Variants in GALNT6 observed in about 807,000 individuals in gnomAD.
GALNT6 encodes GalNAc transferase 6.
A neutral mutation model predicts 65.9 loss-of-function variants in GALNT6; 51 were observed. That is an observed-to-expected ratio of 0.77 (90% CI 0.62 to 0.98). The LOEUF (loss-of-function observed/expected upper bound fraction) is 0.98, where lower values mean the gene tolerates loss of function less well. Ranked by LOEUF, GALNT6 falls within the 50% of genes least tolerant of loss-of-function variation. The probability of loss-of-function intolerance (pLI) is 0.00; values close to 1 mark genes in which losing one functional copy is unlikely to be tolerated. For synonymous variants in GALNT6, 323 were observed against 315.1 expected (o/e 1.02, Z -0.26); for missense variants, 708 against 803.3 (o/e 0.88, Z 1.43).
intron 8 of GALNT6, 41 bp downstream of exon 8, chr12:51,359,091 T>G (rs762704201): frequency 1.3e-6 from 2 of 1,524,578 alleles, no homozygotes; most frequent in Non-Finnish European, 1.8e-6. Context: ...GGGGCCGTAC[T>G]TCTCTTCATC....
At position 51,387,021 on chromosome 12, in the gene GALNT6, A is replaced by G. The variant is rs528516843; in HGVS notation, c.-104+3829T>C. ...CTGCAATACTGTGGCTTATTTTCCCAGGAAGATACGCTGAAAATTATTTCT... is the reference window on the plus strand; with the variant it reads ...CTGCAATACTGTGGCTTATTTTCCCGGGAAGATACGCTGAAAATTATTTCT... On this transcript the variant is annotated intron_variant, in intron 2 of 11. Coordinates refer to ENST00000356317, the MANE Select transcript of GALNT6 (RefSeq NM_007210.4). This position sits in a 1 kb window ranked among gnomAD's most constrained non-coding sequence, Gnocchi z 4.2. Among the ~76,000 whole-genome samples the G allele has an allele frequency of 2.4e-4, 36 of 152,308 alleles. No individual in the cohort carries two copies. Among genetic ancestry groups the G allele is most frequent in the Admixed American group, 2.6e-4 (4 of 15,298 alleles).
chr12:51,387,673 T>G lies in GALNT6; in HGVS notation c.-104+3177A>C, dbSNP rs935017086. Among the ~76,000 whole-genome samples, 4 of 151,788 alleles carry G rather than the reference T, an allele frequency of 2.6e-5. No homozygotes were observed. The highest frequency in any genetic ancestry group is 9.7e-5 in the African/African-American group (4 of 41,282). ...GTGTGCAACGGTTTATCCCTAGGAGTGCAGAAGTGGAGGGAGGGTTCCAGG... is the reference window on the plus strand; with the variant it reads ...GTGTGCAACGGTTTATCCCTAGGAGGGCAGAAGTGGAGGGAGGGTTCCAGG... On this transcript the variant is annotated intron_variant, in intron 2 of 11. Transcript: ENST00000356317. This position sits in a 1 kb window ranked among gnomAD's most constrained non-coding sequence, Gnocchi z 4.2.
At chr12:51,377,470 T>C in intron 3 of GALNT6, 103 bp from the exon 4 acceptor site, 1 of 890,708 alleles carries the variant, frequency 1.1e-6, no homozygotes, top group Non-Finnish European at 1.8e-6. Flanking sequence ...TCCACTCCTC[T>C]GAACCACAGC....
intron 6 of GALNT6, 148 bp from the exon 7 acceptor site, chr12:51,360,986 ACTCATCATTTAGCTTT>A: frequency 3.3e-6 from 2 of 597,988 alleles, no homozygotes; most frequent in Non-Finnish European, 6.1e-6. Flanking sequence ...CCACTAACTC[ACTCATCATTTAGCTTT>A]TACTATGTCC....
chr12:51,354,194 G>A lies in GALNT6; in HGVS notation c.*185C>T, dbSNP rs896871893. 7 of 521,500 alleles carry A rather than the reference G, an allele frequency of 1.3e-5. No individual in the cohort carries two copies. Among genetic ancestry groups the A allele is most frequent in the African/African-American group, 8.1e-5 (4 of 49,296 alleles). 32.3% of individuals were successfully genotyped at this position (521,500 alleles called of 1,614,324 possible). On this transcript the variant is annotated 3_prime_UTR_variant, in exon 12 of 12. Transcript: ENST00000356317. ...ATATGTCCTAATGGTCTCTTCCATC[G>A]GTGTGAAGGAAAGAAAATGGGCCCA...
intron 11 of GALNT6, among the ~76,000 whole-genome samples, 188 bp downstream of exon 11, chr12:51,355,618 G>C (rs1258516826): frequency 6.6e-6 from 1 of 152,052 alleles, no homozygotes; most frequent in Non-Finnish European, 1.5e-5. Context: ...TATAGGCGCC[G>C]ACCACTATGC....
intron 4 of GALNT6, among the ~76,000 whole-genome samples, chr12:51,372,418 A>G (rs1231707824): frequency 6.6e-6 from 1 of 152,190 alleles, no homozygotes; most frequent in Non-Finnish European, 1.5e-5. Context: ...TATGTTGCCC[A>G]GGATGGTCTT....
At chr12:51,356,172 A>G (rs983389912) in intron 10 of GALNT6, among the ~76,000 whole-genome samples, 38 of 147,206 alleles carry the variant, frequency 2.6e-4, no homozygotes, top group African/African-American at 6.6e-4. Flanking sequence ...GTGTGTGTGT[A>G]TATATATATG....
chr12:51,391,626 C>G (rs1948112799), upstream of GALNT6: 1 of 152,316 alleles, frequency 6.6e-6, no homozygotes, highest in South Asian at 2.1e-4. Context: ...AAAGCCGCAG[C>G]CGCGCCGCGG....
chr12:51,368,929 T>A (rs1001714808), intron 4 of GALNT6, among the ~76,000 whole-genome samples: 3 of 152,216 alleles, frequency 2.0e-5, no homozygotes, highest in Admixed American at 1.3e-4. Context: ...TCTGTCAATG[T>A]GCTGCCAGGT....
At chr12:51,355,211 A>G (rs1946709850) in intron 11 of GALNT6, among the ~76,000 whole-genome samples, 2 of 152,180 alleles carry the variant, frequency 1.3e-5, no homozygotes, top group Non-Finnish European at 1.5e-5. Flanking sequence ...GACAAGCAGG[A>G]ACTATGAATG....
intron 4 of GALNT6, among the ~76,000 whole-genome samples, chr12:51,371,742 G>C (rs543288934): frequency 1.3e-5 from 2 of 152,156 alleles, no homozygotes; most frequent in South Asian, 2.1e-4. Context: ...CTCAGCACGC[G>C]GTCTCCTCCC....
chr12:51,378,423 C>G (rs1947533957), intron 3 of GALNT6, among the ~76,000 whole-genome samples: 1 of 152,138 alleles, frequency 6.6e-6, no homozygotes, highest in African/African-American at 2.4e-5. Flanking sequence ...TTCCATAGTG[C>G]TGGGATTATA....
At chr12:51,375,836 C>T (rs917651391) in intron 4 of GALNT6, among the ~76,000 whole-genome samples, 2 of 152,040 alleles carry the variant, frequency 1.3e-5, no homozygotes, top group African/African-American at 4.8e-5. Flanking sequence ...GGATTACAGG[C>T]GTGAGCCACC....
intron 5 of GALNT6, among the ~76,000 whole-genome samples, chr12:51,364,644 C>T (rs562193493): frequency 1.3e-5 from 2 of 152,316 alleles, no homozygotes; most frequent in South Asian, 2.1e-4. Flanking sequence ...TGGTATCTTC[C>T]GGGGTTCCAG....
chr12:51,375,849 G>A (rs1236373140), intron 4 of GALNT6, among the ~76,000 whole-genome samples: 4 of 151,814 alleles, frequency 2.6e-5, no homozygotes, highest in Non-Finnish European at 4.4e-5. Flanking sequence ...GAGCCACCAC[G>A]CCCAGTCCTT....
chr12:51,382,077 A>G (rs773002406), intron 2 of GALNT6, among the ~76,000 whole-genome samples: 2 of 152,216 alleles, frequency 1.3e-5, no homozygotes, highest in Non-Finnish European at 2.9e-5. Flanking sequence ...GGCTTCTTTT[A>G]TAACATCAGA....
At chr12:51,385,847 C>G (rs1410402054) in intron 2 of GALNT6, among the ~76,000 whole-genome samples, 1 of 149,138 alleles carries the variant, frequency 6.7e-6, no homozygotes, top group Non-Finnish European at 1.5e-5. Flanking sequence ...TTTTTTTTTT[C>G]TCTTGGAGAC....
rs577408455 is a variant in GALNT6, at chr12:51,357,734, C to T, written c.1501-284G>A. ...AGGTCCCTGGAAGAAGCCCTCAGCA[C>T]GTGGGAGTTTCCTTATAAGCAGTGG... On this transcript the variant is annotated intron_variant, in intron 9 of 11. Transcript: ENST00000356317. Among the ~76,000 whole-genome samples, 5 of 152,204 alleles carry T rather than the reference C, an allele frequency of 3.3e-5. No individual in the cohort carries two copies. In the East Asian group the frequency reaches 7.8e-4, roughly 24 times the overall value.
Sources: allele counts gnomAD v4.1 joint callset (sites outside exome capture counted in the v4.1 genomes callset), GRCh38; gene constraint gnomAD v4.1.1; non-coding constraint Gnocchi (gnomAD v3.1); transcripts MANE v1.5; gene names NCBI Gene and HGNC (gene_info 2026-07-23, HGNC 2026-07-21).